Variants in STXBP5L observed in about 807,000 individuals in gnomAD.
STXBP5L encodes syntaxin binding protein 5L, also known as syntaxin-binding protein 5-like.
In STXBP5L, 65 loss-of-function variants were observed where a neutral mutation model predicts 144.5. The ratio of observed to expected loss-of-function variants is 0.45; its 90% CI spans 0.37 to 0.55. STXBP5L has a LOEUF of 0.55. STXBP5L is among the 20% of genes least tolerant of loss of function. The pLI, the probability that STXBP5L is intolerant of heterozygous loss-of-function variation, is 0.00. For synonymous variants in STXBP5L, 505 were observed against 469.6 expected, an observed-to-expected ratio of 1.08 and a Z score of -0.97; for missense variants, 1,298 against 1,405.5, an observed-to-expected ratio of 0.92 and a Z score of 1.22.
chr3:121,335,655 C>A (rs1044104222), intron 20 of STXBP5L, among the ~76,000 whole-genome samples: 21 of 151,810 alleles, frequency 1.4e-4, no homozygotes, highest in Admixed American at 1.4e-3. Context: ...CACACACCTA[C>A]AACCATCTGA....
At chr3:121,411,907 T>C (rs764578755) in intron 23 of STXBP5L, among the ~76,000 whole-genome samples, 4 of 152,198 alleles carry the variant, frequency 2.6e-5, no homozygotes, top group Non-Finnish European at 4.4e-5. Context: ...GTGGTGTTTC[T>C]GACATAGCCA....
intron 19 of STXBP5L, among the ~76,000 whole-genome samples, chr3:121,295,873 A>G (rs955745602): frequency 6.6e-6 from 1 of 152,328 alleles, no homozygotes; most frequent in Non-Finnish European, 1.5e-5. Flanking sequence ...AGTGTAGACT[A>G]TATGGATGGA....
chr3:121,361,707 AT>A (rs913841518), intron 20 of STXBP5L, among the ~76,000 whole-genome samples: 24 of 146,650 alleles, frequency 1.6e-4, no homozygotes, highest in South Asian at 6.4e-4. Flanking sequence ...GTTATCTCGA[AT>A]TTTTTTTTTT....
At chr3:121,069,871 C>T (rs983938525) in intron 5 of STXBP5L, among the ~76,000 whole-genome samples, 1 of 152,102 alleles carries the variant, frequency 6.6e-6, no homozygotes, top group African/African-American at 2.4e-5. Flanking sequence ...TAAATAATTG[C>T]TCTTGCACTT....
chr3:121,258,877 G>A (rs879427607), intron 17 of STXBP5L, among the ~76,000 whole-genome samples, 166 bp from the exon 18 acceptor site: 12 of 152,128 alleles, frequency 7.9e-5, no homozygotes, highest in Non-Finnish European at 1.5e-4. Context: ...GTAATCATAA[G>A]GGACTCAGCA....
chr3:120,963,626 T>G (rs1468679532), intron 3 of STXBP5L, among the ~76,000 whole-genome samples: 3 of 152,214 alleles, frequency 2.0e-5, no homozygotes, highest in African/African-American at 7.2e-5. Context: ...TGAAGCTGAC[T>G]TGATCATGGT....
chr3:121,223,358 G>A (rs2049029734), intron 11 of STXBP5L, among the ~76,000 whole-genome samples: 1 of 152,160 alleles, frequency 6.6e-6, no homozygotes, highest in African/African-American at 2.4e-5. Context: ...TGGCATTTCA[G>A]GTTCTAATAT....
intron 18 of STXBP5L, among the ~76,000 whole-genome samples, chr3:121,268,767 A>C (rs1297450615): frequency 6.6e-6 from 1 of 152,164 alleles, no homozygotes; most frequent in East Asian, 1.9e-4. Context: ...ATGAGTTAGC[A>C]GCCGGCCAAA....
chr3:121,362,145 C>G (rs2045730035), intron 20 of STXBP5L, among the ~76,000 whole-genome samples: 1 of 151,186 alleles, frequency 6.6e-6, no homozygotes, highest in Admixed American at 6.6e-5. Flanking sequence ...CATACAGAGT[C>G]TCTCTCTCTC....
intron 19 of STXBP5L, among the ~76,000 whole-genome samples, chr3:121,306,744 C>G (rs145436952): frequency 1.3e-5 from 2 of 152,120 alleles, no homozygotes; most frequent in Non-Finnish European, 2.9e-5. Flanking sequence ...AACCAATGAA[C>G]GAGACTGCTA....
intron 9 of STXBP5L, among the ~76,000 whole-genome samples, chr3:121,173,394 G>T (rs190021832): frequency 6.6e-6 from 1 of 151,362 alleles, no homozygotes. Flanking sequence ...AACAAAAAAT[G>T]CTGGACAAAC....
Position 120,908,475 on chromosome 3 carries a change from GAGAC to G in STXBP5L, c.-9+145_-9+148del. 1.9e-5 allele frequency: 3 copies of G among 158,512 alleles called. 1 individual carries two copies. In the South Asian group the frequency reaches 6.0e-4, roughly 32 times the overall value. The allele number at this position is 158,512 out of a possible 1,614,324, so 9.8% of individuals were successfully genotyped here. On this transcript the variant is annotated intron_variant, in intron 1 of 26. Transcript: ENST00000471454. ...AGAGAGAGAGAGACAGAGAGAGACA[GAGAC>G]AGAGAGCGAGCGCACCAGCGCGCGA...
intron 3 of STXBP5L, among the ~76,000 whole-genome samples, chr3:120,981,018 C>T (rs1364480133): frequency 6.6e-6 from 1 of 151,900 alleles, no homozygotes; most frequent in Non-Finnish European, 1.5e-5. Context: ...TTCAAAGAGA[C>T]TGAAAATAGG....
intron 5 of STXBP5L, among the ~76,000 whole-genome samples, chr3:121,096,417 C>G (rs1279125874): frequency 6.6e-6 from 1 of 152,202 alleles, no homozygotes; most frequent in African/African-American, 2.4e-5. Flanking sequence ...CACTGTGATT[C>G]TTTCGTGGAG....
intron 18 of STXBP5L, among the ~76,000 whole-genome samples, chr3:121,270,239 T>TA (rs2108416603): frequency 6.6e-6 from 1 of 152,126 alleles, no homozygotes; most frequent in Non-Finnish European, 1.5e-5. Context: ...GAGCTTTTTT[T>TA]TTTTTTTTTT....
At chr3:121,389,946 A>AC (rs1432761689) in intron 22 of STXBP5L, among the ~76,000 whole-genome samples, 1 of 151,896 alleles carries the variant, frequency 6.6e-6, no homozygotes, top group African/African-American at 2.4e-5. Context: ...ATCCTTGTTA[A>AC]CCTTCTGTCT....
At chr3:120,961,475 T>A (rs1310015007) in intron 3 of STXBP5L, among the ~76,000 whole-genome samples, 1 of 151,984 alleles carries the variant, frequency 6.6e-6, no homozygotes, top group Non-Finnish European at 1.5e-5. Context: ...GCCCCGTGTG[T>A]GAGTGATCTC....
chr3:121,352,238 G>T (rs908559872), intron 20 of STXBP5L, among the ~76,000 whole-genome samples: 2 of 152,130 alleles, frequency 1.3e-5, no homozygotes, highest in African/African-American at 2.4e-5. Context: ...TTGGTAGCTT[G>T]ATGGGGATGG....
At position 121,287,566 on chromosome 3, in the gene STXBP5L, C is replaced by T. The variant is rs537609954; in HGVS notation, c.2110+7610C>T. Among the ~76,000 whole-genome samples, 221 of 151,904 alleles carry T rather than the reference C, an allele frequency of 1.5e-3. 1 individual carries two copies. Among genetic ancestry groups the T allele is most frequent in the Non-Finnish European group, 2.3e-3 (159 of 67,946 alleles). On this transcript the variant is annotated intron_variant, in intron 19 of 26. Coordinates refer to ENST00000471454, the MANE Select transcript of STXBP5L (RefSeq NM_001308330.2). ...CATTGATGGGCCGGGCGCGGTGGCTCATGCCTGTAATCCCAGCACTTTGGG... is the reference window on the plus strand; with the variant it reads ...CATTGATGGGCCGGGCGCGGTGGCTTATGCCTGTAATCCCAGCACTTTGGG...
Sources: gnomAD v4.1 joint callset for allele counts (sites outside exome capture counted in the v4.1 genomes callset) on GRCh38, gnomAD v4.1.1 for gene constraint, MANE v1.5 for transcripts, NCBI Gene and HGNC (gene_info 2026-07-23, HGNC 2026-07-21) for gene names.